The following ACSM2A variants were observed in gnomAD, a reference collection of about 807,000 sequenced individuals.
ACSM2A encodes the protein acyl-CoA synthetase medium chain family member 2A, also known as acyl-coenzyme A synthetase ACSM2A, mitochondrial.
In ACSM2A, 72 loss-of-function variants were observed where a neutral mutation model predicts 76.6. The ratio of observed to expected loss-of-function variants is 0.94; its 90% CI spans 0.78 to 1.14. The LOEUF (loss-of-function observed/expected upper bound fraction) is 1.14. Ranked by LOEUF, ACSM2A falls within the 50% of genes most tolerant of loss-of-function variation. ACSM2A has a pLI of 0.00. For missense variants in ACSM2A, 684 were observed against 708.5 expected (o/e 0.97, Z 0.39); for synonymous variants, 249 against 255.9 (o/e 0.97, Z 0.26).
At chr16:20,477,839 G>T (rs1596671626) in intron 9 of ACSM2A, among the ~76,000 whole-genome samples, 1 of 152,252 alleles carries the variant, frequency 6.6e-6, no homozygotes, top group East Asian at 1.9e-4. Context: ...TTTTAATGAT[G>T]TAGTAAATAG....
intron 2 of ACSM2A, among the ~76,000 whole-genome samples, chr16:20,463,662 G>A (rs1175312128): frequency 6.6e-6 from 1 of 152,078 alleles, no homozygotes; most frequent in African/African-American, 2.4e-5. Context: ...GCATAACTGT[G>A]AGCCAATTAA....
chr16:20,465,422 T>G, intron 2 of ACSM2A, 95 bp from the exon 3 acceptor site: 10 of 1,499,636 alleles, frequency 6.7e-6, no homozygotes, highest in Non-Finnish European at 9.0e-6. Context: ...TAAAAAACCT[T>G]ACTAAGCACC....
At position 20,483,162 on chromosome 16, in the gene ACSM2A, C is replaced by A. The variant is rs766707267; in HGVS notation, c.1614C>A (p.Tyr538Ter). 1.9e-5 allele frequency: 30 copies of A among 1,613,908 alleles called. No homozygotes were observed. The highest frequency in any genetic ancestry group is 2.4e-5 in the Non-Finnish European group (28 of 1,179,940). Reference sequence around the variant, plus strand: ...ATGTGAAGTCAGTGACAGCCCCATACAAGTACCCAAGAAAGGTAAGGCCTT... The same window carrying A: ...ATGTGAAGTCAGTGACAGCCCCATAAAAGTACCCAAGAAAGGTAAGGCCTT... Reference protein sequence around the residue: ...QQHVKSVTAPYKYPRKIEFVL... With the variant: ...QQHVKSVTAP Residue 538 changes from tyrosine (Y) to a stop codon, truncating the protein, a stop_gained, in exon 13 of 14, where the codon TAC (tyrosine) becomes TAA (stop). Coordinates refer to ENST00000573854, the MANE Select transcript of ACSM2A (RefSeq NM_001308172.2). LOFTEE classifies it high-confidence loss of function.
At position 20,471,170 on chromosome 16, in the gene ACSM2A, G is replaced by C; in HGVS notation, c.694G>C (p.Glu232Gln). The C allele has an allele frequency of 6.2e-7, 1 of 1,612,646 alleles. No individual in the cohort carries two copies. The highest frequency in any genetic ancestry group is 1.1e-5 in the South Asian group (1 of 90,958). The change falls in exon 5 of 14, where the codon GAA becomes CAA. Residue 232 changes from glutamate (E) to glutamine (Q), a missense_variant. Transcript: ENST00000573854. ...GACCAGTGGTCTTCCCAAGATGGCA[G>C]AACATTCCTACTCGAGCCTGGGCCT... ...SGTSGLPKMA[E>Q]HSYSSLGLKA...
Position 20,475,418 on chromosome 16 carries a change from G to A in ACSM2A, c.951G>A (p.Met317Ile). 3 of 1,613,794 alleles carry A rather than the reference G, an allele frequency of 1.9e-6. No individual in the cohort carries two copies. Among genetic ancestry groups the A allele is most frequent in the Non-Finnish European group, 1.7e-6 (2 of 1,179,740 alleles). ...TGGGTGCCCCCATTGTTTACCGGAT[G>A]TTGCTACAGCAGGATCTTTCCAGGT... Reference protein sequence around the residue: ...SMMGAPIVYRMLLQQDLSSYK... With the variant: ...SMMGAPIVYRILLQQDLSSYK... Residue 317 changes from methionine to isoleucine, a missense_variant, in exon 7 of 14, where the codon ATG becomes ATA. By Grantham distance (10) the Met-to-Ile change is conservative. Transcript: ENST00000573854.
At position 20,480,577 on chromosome 16, in the gene ACSM2A, A is replaced by G; in HGVS notation, c.1286A>G (p.Asn429Ser). Reference protein sequence around the residue: ...PIGIFSGYVDNPDKTAANIRG... With the variant: ...PIGIFSGYVDSPDKTAANIRG... ...CTGTCTTTCTGTGGTCACCAGGACA[A>G]TCCCGACAAGACAGCAGCCAACATT... Residue 429 changes from asparagine (N) to serine (S), a missense_variant, in exon 11 of 14, where the codon AAT (asparagine) becomes AGT (serine). Asn to Ser is a conservative substitution (Grantham distance 46). Coordinates refer to ENST00000573854, the MANE Select transcript of ACSM2A (RefSeq NM_001308172.2). The G allele has an allele frequency of 6.2e-7, 1 of 1,613,900 alleles. No homozygotes were observed. Among genetic ancestry groups the G allele is most frequent in the Non-Finnish European group, 8.5e-7 (1 of 1,179,820 alleles).
Position 20,471,165 on chromosome 16 carries a change from T to C in ACSM2A, c.689T>C (p.Met230Thr). Residue 230 changes from methionine (M) to threonine (T), a missense_variant, in exon 5 of 14, where the codon ATG (methionine) becomes ACG (threonine). By Grantham distance (81) the Met-to-Thr change is moderately conservative (BLOSUM62 -1). Transcript: ENST00000573854. Reference protein sequence around the residue: ...FTSGTSGLPKMAEHSYSSLGL... With the variant: ...FTSGTSGLPKTAEHSYSSLGL... ...AGTGGGACCAGTGGTCTTCCCAAGA[T>C]GGCAGAACATTCCTACTCGAGCCTG... 2 of 1,612,934 alleles carry C rather than the reference T, an allele frequency of 1.2e-6. No homozygotes were observed. The highest frequency in any genetic ancestry group is 1.3e-5 in the African/African-American group (1 of 75,034).
In ACSM2A at chr16:20,481,998, G is replaced by A. The variant is rs1330274449; in HGVS notation, c.1510-1060G>A. On this transcript the variant is annotated intron_variant, in intron 12 of 13. Coordinates refer to ENST00000573854, the MANE Select transcript of ACSM2A (RefSeq NM_001308172.2). ...AAAAATACAAAAATTGGCCAGGCAT[G>A]GTGGCAGGCATCTGTAATCCCAGCT... The A allele has an allele frequency of 3.7e-5, 5 of 134,014 alleles. No individual in the cohort carries two copies. In the East Asian group the frequency reaches 6.1e-4, roughly 16 times the overall value. 8.3% of individuals were successfully genotyped at this position (134,014 alleles called of 1,614,324 possible). A position where few individuals can be genotyped will look rare whatever the true frequency, so the allele number is the denominator to read the frequency against.
intron 2 of ACSM2A, 85 bp from the exon 3 acceptor site, chr16:20,465,432 C>A: frequency 2.0e-6 from 3 of 1,532,838 alleles, no homozygotes; most frequent in Non-Finnish European, 1.8e-6. Context: ...TACTAAGCAC[C>A]AACTTGGCAA....
At chr16:20,480,210 C>A (rs2014002771) in intron 10 of ACSM2A, among the ~76,000 whole-genome samples, 1 of 152,146 alleles carries the variant, frequency 6.6e-6, no homozygotes, top group Non-Finnish European at 1.5e-5. Context: ...ATTACCTAAT[C>A]AAAATGATAG....
chr16:20,465,436 T>A (rs1395766907), intron 2 of ACSM2A, 81 bp from the exon 3 acceptor site: 1 of 1,544,148 alleles, frequency 6.5e-7, no homozygotes, highest in Non-Finnish European at 8.8e-7. Context: ...AAGCACCAAC[T>A]TGGCAATCCC....
intron 12 of ACSM2A, 73 bp downstream of exon 12, chr16:20,480,994 C>T (rs1617049): frequency 0.32 from 508,108 of 1,572,230 alleles, 90,512 homozygotes; most frequent in East Asian, 0.82. Flanking sequence ...GGTTTAAGAA[C>T]AGGGACTGTG....
intron 8 of ACSM2A, chr16:20,476,116 C>T: frequency 1.8e-6 from 2 of 1,089,494 alleles, no homozygotes; most frequent in Non-Finnish European, 2.2e-6. Flanking sequence ...GAAAATTCCT[C>T]TGTGATGGGG....
At chr16:20,465,358 T>C (rs1419880619) in intron 2 of ACSM2A, among the ~76,000 whole-genome samples, 159 bp from the exon 3 acceptor site, 1 of 152,202 alleles carries the variant, frequency 6.6e-6, no homozygotes, top group African/African-American at 2.4e-5. Flanking sequence ...CTCATATAAA[T>C]AACAAGTCTT....
intron 9 of ACSM2A, among the ~76,000 whole-genome samples, chr16:20,477,950 T>C (rs941492734): frequency 2.0e-5 from 3 of 152,292 alleles, no homozygotes; most frequent in Admixed American, 1.3e-4. Context: ...TAGCTAAAGT[T>C]TTATTGCTTT....
intron 2 of ACSM2A, among the ~76,000 whole-genome samples, chr16:20,461,351 A>G (rs2012612190): frequency 6.6e-6 from 1 of 152,144 alleles, no homozygotes; most frequent in African/African-American, 2.4e-5. Context: ...AGAAATTTAG[A>G]TTTCTGGATT....
chr16:20,483,302 G>T, intron 13 of ACSM2A, 125 bp downstream of exon 13: 1 of 1,433,786 alleles, frequency 7.0e-7, no homozygotes, highest in Non-Finnish European at 9.4e-7. Flanking sequence ...GGGCGCGGCA[G>T]CTCACGCCTG....
intron 5 of ACSM2A, 75 bp downstream of exon 5, chr16:20,471,291 T>A: frequency 1.3e-6 from 2 of 1,562,998 alleles, no homozygotes; most frequent in Non-Finnish European, 1.7e-6. Context: ...CCCAATTATA[T>A]ATTAAGTCAG....
chr16:20,479,879 C>T (rs1336431996), intron 10 of ACSM2A, among the ~76,000 whole-genome samples: 1 of 152,206 alleles, frequency 6.6e-6, no homozygotes, highest in Non-Finnish European at 1.5e-5. Context: ...GGCTGTTTAG[C>T]TTCAGACTAA....
Sources: allele counts gnomAD v4.1 joint callset (sites outside exome capture counted in the v4.1 genomes callset), GRCh38; gene constraint gnomAD v4.1.1; transcripts MANE v1.5; gene names NCBI Gene and HGNC (gene_info 2026-07-23, HGNC 2026-07-21).